Variants in ARHGEF28 observed in about 807,000 individuals in gnomAD.
The protein encoded by ARHGEF28 is 190 kDa guanine nucleotide exchange factor.
ARHGEF28 carries 152 observed loss-of-function variants against 206.6 expected under a neutral mutation model. That is an observed-to-expected ratio of 0.74 (90% CI 0.64 to 0.84). ARHGEF28 has a LOEUF of 0.84. Ranked by LOEUF, ARHGEF28 falls within the 40% of genes least tolerant of loss-of-function variation. The probability of loss-of-function intolerance (pLI) is 0.00; values close to 1 mark genes in which losing one functional copy is unlikely to be tolerated. For synonymous variants in ARHGEF28, 763 were observed against 776.4 expected (o/e 0.98, Z 0.29); for missense variants, 2,028 against 2,073.2 (o/e 0.98, Z 0.42).
chr5:73,860,516 T>A (rs909953882), intron 16 of ARHGEF28, among the ~76,000 whole-genome samples: 51 of 152,240 alleles, frequency 3.3e-4, no homozygotes, highest in African/African-American at 1.2e-3. Flanking sequence ...CATCACAAGC[T>A]TCAACCCTGG....
chr5:73,904,020 C>A (rs990527474), intron 31 of ARHGEF28: 1 of 568,204 alleles, frequency 1.8e-6, no homozygotes. Context: ...ATCGACTTTG[C>A]GTGAAGGACG....
chr5:73,877,127 A>G (rs1212149751), intron 22 of ARHGEF28, among the ~76,000 whole-genome samples: 1 of 135,030 alleles, frequency 7.4e-6, no homozygotes, highest in Non-Finnish European at 1.6e-5. Flanking sequence ...CAGAGATTCA[A>G]CTTCTTCCTG....
chr5:73,783,914 A>G (rs1234513544), intron 7 of ARHGEF28, among the ~76,000 whole-genome samples: 2 of 152,206 alleles, frequency 1.3e-5, no homozygotes, highest in East Asian at 1.9e-4. Context: ...TCTGACTCCA[A>G]ATAATTAATG....
intron 10 of ARHGEF28, among the ~76,000 whole-genome samples, chr5:73,838,800 T>G (rs1757815862): frequency 6.6e-6 from 1 of 152,194 alleles, no homozygotes; most frequent in Non-Finnish European, 1.5e-5. Context: ...GTTACCAAAA[T>G]CATAAAATTA....
At chr5:73,794,335 C>CTAG (rs2112485208) in intron 7 of ARHGEF28, 67 bp from the exon 8 acceptor site, 1 of 1,225,706 alleles carries the variant, frequency 8.2e-7, no homozygotes, top group Non-Finnish European at 1.1e-6. Context: ...CACTTGTCAG[C>CTAG]TAGTAGTTGT....
chr5:73,783,133 G>A (rs1753943715), intron 7 of ARHGEF28, among the ~76,000 whole-genome samples: 1 of 152,160 alleles, frequency 6.6e-6, no homozygotes, highest in African/African-American at 2.4e-5. Flanking sequence ...TCATGGCACA[G>A]TGTGATAATT....
chr5:73,837,492 AT>A (rs912107375), intron 10 of ARHGEF28, among the ~76,000 whole-genome samples: 4 of 151,634 alleles, frequency 2.6e-5, no homozygotes, highest in Admixed American at 2.6e-4. Flanking sequence ...TTGAGCCCTT[AT>A]TTTTTTTGTT....
At chr5:73,678,587 G>T (rs1197208029) in intron 1 of ARHGEF28, among the ~76,000 whole-genome samples, 1 of 152,160 alleles carries the variant, frequency 6.6e-6, no homozygotes, top group Non-Finnish European at 1.5e-5. Flanking sequence ...GTGTGATTCT[G>T]GACTTTGGAC....
chr5:73,752,544 G>A (rs1023036096), intron 3 of ARHGEF28, among the ~76,000 whole-genome samples: 1 of 152,184 alleles, frequency 6.6e-6, no homozygotes, highest in South Asian at 2.1e-4. Flanking sequence ...GGAGGAAATG[G>A]CAGAGTGGAA....
intron 1 of ARHGEF28, among the ~76,000 whole-genome samples, chr5:73,679,316 C>T (rs1446724925): frequency 3.3e-5 from 5 of 152,144 alleles, no homozygotes; most frequent in South Asian, 4.1e-4. Context: ...CCTGTAATCC[C>T]GGCACTTTGG....
intron 2 of ARHGEF28, among the ~76,000 whole-genome samples, chr5:73,720,587 A>G (rs537447396): frequency 1.3e-5 from 2 of 152,234 alleles, no homozygotes; most frequent in East Asian, 3.9e-4. Context: ...GACGGGTGGG[A>G]TGGTAAAATT....
At chr5:73,746,331 G>A (rs1447047248) in intron 2 of ARHGEF28, among the ~76,000 whole-genome samples, 21 of 152,030 alleles carry the variant, frequency 1.4e-4, no homozygotes, top group Non-Finnish European at 3.1e-4. Context: ...ACACTTGGTG[G>A]AATGCAATTA....
chr5:73,647,445 C>T (rs149490110), intron 1 of ARHGEF28, among the ~76,000 whole-genome samples: 1 of 152,186 alleles, frequency 6.6e-6, no homozygotes, highest in African/African-American at 2.4e-5. Context: ...CATACTCACA[C>T]CTAACTTCAG....
chr5:73,652,687 A>G (rs529703272), intron 1 of ARHGEF28, among the ~76,000 whole-genome samples: 3 of 152,246 alleles, frequency 2.0e-5, no homozygotes, highest in Admixed American at 6.5e-5. Flanking sequence ...AAGTACACAG[A>G]TATTTGGCAG....
At chr5:73,673,672 A>G (rs111228375) in intron 1 of ARHGEF28, among the ~76,000 whole-genome samples, 80 of 152,278 alleles carry the variant, frequency 5.3e-4, no homozygotes, top group African/African-American at 1.9e-3. Flanking sequence ...ATCCTTTTAT[A>G]TACTTAACAT....
At chr5:73,685,698 C>A (rs1162428357) in intron 2 of ARHGEF28, among the ~76,000 whole-genome samples, 1 of 152,162 alleles carries the variant, frequency 6.6e-6, no homozygotes, top group African/African-American at 2.4e-5. Context: ...TCTAAGCTCA[C>A]TGCAAACTCC....
intron 2 of ARHGEF28, among the ~76,000 whole-genome samples, chr5:73,702,701 T>A (rs935353835): frequency 3.9e-5 from 6 of 152,188 alleles, no homozygotes; most frequent in Admixed American, 3.3e-4. Flanking sequence ...GCCAACACTT[T>A]TTATGTTCTG....
chr5:73,940,719 T>G (rs1030601886), intron 35 of ARHGEF28, 125 bp from the exon 36 acceptor site: 1 of 760,534 alleles, frequency 1.3e-6, no homozygotes, highest in Admixed American at 4.0e-5. Flanking sequence ...CTCATTGGGC[T>G]TGGCCATTCT....
chr5:73,888,360 CCAAT>C, intron 26 of ARHGEF28, among the ~76,000 whole-genome samples: 1 of 152,256 alleles, frequency 6.6e-6, no homozygotes, highest in East Asian at 1.9e-4. Flanking sequence ...CTCTATGTTC[CCAAT>C]CAATTTGAAC....
Sources: gnomAD v4.1 joint callset for allele counts (sites outside exome capture counted in the v4.1 genomes callset) on GRCh38, gnomAD v4.1.1 for gene constraint, MANE v1.5 for transcripts, NCBI Gene and HGNC (gene_info 2026-07-23, HGNC 2026-07-21) for gene names.